Variants in LRBA observed in about 807,000 individuals in gnomAD.
LRBA encodes the protein lipopolysaccharide-responsive and beige-like anchor protein.
LRBA carries 176 observed loss-of-function variants against 330.0 expected under a neutral mutation model. The observed-to-expected ratio is 0.53, with a 90% CI of 0.47 to 0.60. The LOEUF (loss-of-function observed/expected upper bound fraction) is 0.60. LRBA is among the 20% of genes least tolerant of loss of function. The pLI is 0.00. For missense variants in LRBA, 3,259 were observed against 3,444.8 expected (o/e 0.95, Z 1.35); for synonymous variants, 1,230 against 1,193.0 (o/e 1.03, Z -0.64).
At chr4:150,835,998 T>C (rs953185482) in intron 28 of LRBA, among the ~76,000 whole-genome samples, 2 of 152,052 alleles carry the variant, frequency 1.3e-5, no homozygotes, top group African/African-American at 4.8e-5. Flanking sequence ...TTATACAGAG[T>C]TTTTAGCATG....
chr4:150,379,327 G>C (rs1473688054), intron 47 of LRBA, among the ~76,000 whole-genome samples: 2 of 55,898 alleles, frequency 3.6e-5, no homozygotes, highest in Non-Finnish European at 8.7e-5. Context: ...AAAAAAAAAA[G>C]CAGATCAGAA....
intron 54 of LRBA, among the ~76,000 whole-genome samples, chr4:150,285,134 T>C (rs772969812): frequency 3.3e-5 from 5 of 152,200 alleles, no homozygotes; most frequent in Admixed American, 6.5e-5. Flanking sequence ...TTAACTAGAC[T>C]AATAAGTATT....
At chr4:150,493,944 C>T (rs1179940690) in intron 40 of LRBA, among the ~76,000 whole-genome samples, 4 of 151,966 alleles carry the variant, frequency 2.6e-5, no homozygotes, top group South Asian at 2.1e-4. Flanking sequence ...ATTAGTTGGG[C>T]GTGGTAGCAT....
intron 37 of LRBA, among the ~76,000 whole-genome samples, chr4:150,647,217 T>C (rs1290350837): frequency 6.6e-6 from 1 of 152,042 alleles, no homozygotes; most frequent in East Asian, 1.9e-4. Flanking sequence ...AATGTTCATA[T>C]TTTTTAACTT....
chr4:150,741,670 T>C (rs1238007566), intron 35 of LRBA, among the ~76,000 whole-genome samples: 1 of 151,890 alleles, frequency 6.6e-6, no homozygotes, highest in Non-Finnish European at 1.5e-5. Context: ...TAAAGTAAAA[T>C]GCTAAGTAGG....
intron 34 of LRBA, among the ~76,000 whole-genome samples, chr4:150,779,729 C>T (rs1313149565): frequency 6.6e-6 from 1 of 152,062 alleles, no homozygotes; most frequent in Non-Finnish European, 1.5e-5. Flanking sequence ...AATTCATTAG[C>T]TTGCCTCAAT....
chr4:150,891,643 T>C (rs756773941), intron 17 of LRBA, among the ~76,000 whole-genome samples: 2 of 152,174 alleles, frequency 1.3e-5, no homozygotes, highest in African/African-American at 2.4e-5. Context: ...GCCTATCCTA[T>C]GGATTTTGGA....
intron 40 of LRBA, among the ~76,000 whole-genome samples, chr4:150,557,062 T>C (rs1313394817): frequency 1.3e-5 from 2 of 152,110 alleles, no homozygotes; most frequent in Non-Finnish European, 2.9e-5. Context: ...TCCAAAGTAA[T>C]AGCTGATTCT....
chr4:150,292,732 A>C (rs2126806686), intron 53 of LRBA, among the ~76,000 whole-genome samples: 1 of 152,324 alleles, frequency 6.6e-6, no homozygotes, highest in East Asian at 1.9e-4. Flanking sequence ...ATTTAAAAAT[A>C]ACTTGATTTT....
chr4:150,641,696 T>C (rs986357738), intron 37 of LRBA, among the ~76,000 whole-genome samples: 2 of 152,100 alleles, frequency 1.3e-5, no homozygotes, highest in Non-Finnish European at 2.9e-5. Context: ...ATGTTCTTCT[T>C]TATATGCACA....
intron 47 of LRBA, among the ~76,000 whole-genome samples, chr4:150,363,725 T>C (rs1175188396): frequency 6.6e-6 from 1 of 152,240 alleles, no homozygotes; most frequent in Non-Finnish European, 1.5e-5. Context: ...AGGGCAGGTG[T>C]CACAGTCTTC....
intron 36 of LRBA, among the ~76,000 whole-genome samples, chr4:150,702,578 T>C (rs908010011): frequency 6.6e-6 from 1 of 152,180 alleles, no homozygotes; most frequent in East Asian, 1.9e-4. Flanking sequence ...CTCATATTAT[T>C]ACAAAGAAAT....
intron 14 of LRBA, among the ~76,000 whole-genome samples, chr4:150,898,800 A>C (rs531128668): frequency 9.9e-5 from 15 of 152,278 alleles, no homozygotes; most frequent in Admixed American, 8.5e-4. Flanking sequence ...ATACACCTAC[A>C]GCACCATGAA....
chr4:150,449,581 G>A (rs1753099130), intron 44 of LRBA, among the ~76,000 whole-genome samples: 2 of 150,660 alleles, frequency 1.3e-5, no homozygotes, highest in Admixed American at 1.3e-4. Context: ...CACAGGCATA[G>A]AGGGTCGGCT....
intron 37 of LRBA, among the ~76,000 whole-genome samples, chr4:150,645,237 T>C (rs1464526210): frequency 6.6e-6 from 1 of 150,684 alleles, no homozygotes; most frequent in Non-Finnish European, 1.5e-5. Flanking sequence ...ATAACTACTA[T>C]TATCACACAC....
chr4:150,373,166 T>TGAGAGAGAGAGA (rs1292822061), intron 47 of LRBA, among the ~76,000 whole-genome samples: 1 of 122,350 alleles, frequency 8.2e-6, no homozygotes, highest in African/African-American at 2.9e-5. Context: ...TGTGTGTGTG[T>TGAGAGAGAGAGA]GTGTGTGAGA....
At chr4:150,632,036 G>C (rs777689241) in intron 37 of LRBA, among the ~76,000 whole-genome samples, 2 of 152,116 alleles carry the variant, frequency 1.3e-5, no homozygotes, top group Non-Finnish European at 2.9e-5. Flanking sequence ...TGTGAAACCA[G>C]CCTGGCCAAC....
At chr4:150,340,183 T>C (rs1486952939) in intron 48 of LRBA, among the ~76,000 whole-genome samples, 1 of 152,176 alleles carries the variant, frequency 6.6e-6, no homozygotes, top group Non-Finnish European at 1.5e-5. Context: ...CTCTTTCCTT[T>C]AGAATTACCC....
chr4:150,475,960 C>T (rs1466296144), intron 42 of LRBA, among the ~76,000 whole-genome samples: 3 of 151,656 alleles, frequency 2.0e-5, no homozygotes. Context: ...GCTCAATAGT[C>T]ATGTCTCTAC....
Sources: gnomAD v4.1 joint callset for allele counts (sites outside exome capture counted in the v4.1 genomes callset) on GRCh38, gnomAD v4.1.1 for gene constraint, MANE v1.5 for transcripts, NCBI Gene and HGNC (gene_info 2026-07-23, HGNC 2026-07-21) for gene names.